The following CSMD1 variants were observed in gnomAD, a reference collection of about 807,000 sequenced individuals.
CSMD1 encodes the protein CUB and sushi domain-containing protein 1.
A neutral mutation model predicts 417.5 loss-of-function variants in CSMD1; 213 were observed. The observed-to-expected ratio is 0.51, with a 90% confidence interval of 0.46 to 0.57. CSMD1 has a LOEUF of 0.57. Among genes scored for constraint, CSMD1 ranks in the 20% least tolerant of loss-of-function variants. The pLI, the probability that CSMD1 is intolerant of heterozygous loss-of-function variation, is 0.00. For synonymous variants in CSMD1, 2,862 were observed against 1,736.8 expected (o/e 1.65, Z -16.11); for missense variants, 6,923 against 4,529.7 (o/e 1.53, Z -15.17).
At chr8:3,247,886 C>T (rs149151922) in intron 26 of CSMD1, among the ~76,000 whole-genome samples, 1 of 152,166 alleles carries the variant, frequency 6.6e-6, no homozygotes, top group African/African-American at 2.4e-5. Context: ...TCCATGGAAT[C>T]CATGCATTTT....
chr8:3,350,749 C>G (rs931433053), intron 21 of CSMD1, among the ~76,000 whole-genome samples: 1 of 151,274 alleles, frequency 6.6e-6, no homozygotes, highest in African/African-American at 2.4e-5. Context: ...AAAGGTGGGA[C>G]AAGAAAGAAT....
At position 3,357,541 on chromosome 8, in the gene CSMD1, C is replaced by G. The variant is rs188273712; in HGVS notation, c.3304+1611G>C. ...ATATTTTAGACCACAGAGTAAAAACCTGAATGACAAGAAAAACAGTGTAAA... is the reference window on the plus strand; with the variant it reads ...ATATTTTAGACCACAGAGTAAAAACGTGAATGACAAGAAAAACAGTGTAAA... On this transcript the variant is annotated intron_variant, in intron 21 of 69. Coordinates refer to ENST00000635120, the MANE Select transcript of CSMD1 (RefSeq NM_033225.6). 6.6e-5 allele frequency among the ~76,000 whole-genome samples: 10 copies of G among 152,238 alleles called. No individual in the cohort carries two copies. In the East Asian group the frequency reaches 1.7e-3, roughly 27 times the overall value.
rs573527966 is a variant in CSMD1 at position 3,819,893 on chromosome 8, T to C, written c.819-65851A>G. Among the ~76,000 whole-genome samples the C allele has an allele frequency of 2.0e-5, 3 of 152,106 alleles. No homozygotes were observed. In the South Asian group the frequency reaches 6.2e-4, roughly 32 times the overall value. On this transcript the variant is annotated intron_variant, in intron 5 of 69. Transcript: ENST00000635120. ...AACTAAATCAAGCAGGGATCCAGAG[T>C]GCTATAATAGAGGCAGACTGGACAA...
Position 3,833,515 on chromosome 8 carries a change from A to C in CSMD1, c.819-79473T>G, listed in dbSNP as rs140817191. On this transcript the variant is annotated intron_variant, in intron 5 of 69. Coordinates refer to ENST00000635120, the MANE Select transcript of CSMD1 (RefSeq NM_033225.6). ...CAAAGCCCTTTCCTCATTCATATTCAGAATTTTTTTCAATGAAGAAGCACT... is the reference window on the plus strand; with the variant it reads ...CAAAGCCCTTTCCTCATTCATATTCCGAATTTTTTTCAATGAAGAAGCACT... Among the ~76,000 whole-genome samples, 783 of 152,268 alleles carry C rather than the reference A, an allele frequency of 5.1e-3. 3 individuals carry two copies. Among genetic ancestry groups the C allele is most frequent in the Non-Finnish European group, 7.8e-3 (530 of 67,990 alleles).
chr8:4,502,813 C>A (rs1802325525), intron 2 of CSMD1, among the ~76,000 whole-genome samples: 1 of 152,076 alleles, frequency 6.6e-6, no homozygotes, highest in African/African-American at 2.4e-5. Flanking sequence ...CAGTAAATCC[C>A]CAGTGTGTAT....
intron 10 of CSMD1, among the ~76,000 whole-genome samples, chr8:3,497,336 A>G (rs1796409048): frequency 1.3e-5 from 2 of 152,152 alleles, no homozygotes; most frequent in Admixed American, 6.5e-5. Context: ...TGTTGGGTGC[A>G]TATATGTTTA....
In CSMD1 at chr8:4,448,991, T is replaced by G. The variant is rs1024867003; in HGVS notation, c.303-28926A>C. 2.6e-4 allele frequency among the ~76,000 whole-genome samples: 40 copies of G among 152,182 alleles called. 1 individual carries two copies. Among genetic ancestry groups the G allele is most frequent in the Admixed American group, 2.6e-3 (39 of 15,280 alleles). ...ATCCTAAGGTACAAATGGATAGTAG[T>G]CAGTATTATTTATTACTTGTGTGCG... On this transcript the variant is annotated intron_variant, in intron 2 of 69. Transcript: ENST00000635120.
At chr8:4,415,598 T>C (rs769845758) in intron 3 of CSMD1, among the ~76,000 whole-genome samples, 6 of 152,212 alleles carry the variant, frequency 3.9e-5, no homozygotes, top group African/African-American at 7.2e-5. Context: ...TGTTTCATTC[T>C]CCTTCACTAG....
intron 1 of CSMD1, among the ~76,000 whole-genome samples, chr8:4,813,451 T>C (rs1166448724): frequency 1.3e-5 from 2 of 152,218 alleles, no homozygotes; most frequent in African/African-American, 4.8e-5. Context: ...GTATTCTTCC[T>C]AGATACAACA....
chr8:4,367,436 G>C (rs146188237), intron 3 of CSMD1, among the ~76,000 whole-genome samples: 1 of 152,108 alleles, frequency 6.6e-6, no homozygotes, highest in African/African-American at 2.4e-5. Context: ...TTCTGTACCA[G>C]TACCATGATG....
chr8:3,711,671 T>C (rs1450100191), intron 6 of CSMD1, among the ~76,000 whole-genome samples: 1 of 152,172 alleles, frequency 6.6e-6, no homozygotes, highest in Non-Finnish European at 1.5e-5. Flanking sequence ...CTTCTGCGGT[T>C]CTCCTGGTGG....
chr8:3,900,644 G>C (rs1464566497), intron 5 of CSMD1, among the ~76,000 whole-genome samples: 1 of 151,968 alleles, frequency 6.6e-6, no homozygotes, highest in Admixed American at 6.6e-5. Context: ...GCAGCTAGAT[G>C]ACACTGTAGC....
intron 26 of CSMD1, among the ~76,000 whole-genome samples, chr8:3,281,060 C>A (rs1442615550): frequency 6.6e-6 from 1 of 152,142 alleles, no homozygotes; most frequent in Non-Finnish European, 1.5e-5. Context: ...AACTTACGTC[C>A]ACACAAAAAC....
intron 2 of CSMD1, among the ~76,000 whole-genome samples, chr8:4,432,064 A>G (rs1425152342): frequency 2.6e-5 from 4 of 152,170 alleles, no homozygotes; most frequent in African/African-American, 9.6e-5. Flanking sequence ...CACAGACTAA[A>G]ACAGACAGGA....
chr8:4,333,222 A>C (rs1328657371), intron 3 of CSMD1, among the ~76,000 whole-genome samples: 4 of 152,140 alleles, frequency 2.6e-5, no homozygotes, highest in African/African-American at 9.7e-5. Context: ...AACAGAAGTC[A>C]CACCCTGCCT....
intron 11 of CSMD1, among the ~76,000 whole-genome samples, chr8:3,478,935 G>A (rs747383174): frequency 7.2e-5 from 11 of 151,996 alleles, no homozygotes; most frequent in Non-Finnish European, 1.3e-4. Flanking sequence ...GCGGTAGAGT[G>A]GGCGGAATAG....
chr8:4,136,907 C>G (rs1365363375), intron 3 of CSMD1, among the ~76,000 whole-genome samples: 1 of 152,180 alleles, frequency 6.6e-6, no homozygotes, highest in African/African-American at 2.4e-5. Flanking sequence ...AAAACAGTCA[C>G]AGCCACTCTT....
intron 3 of CSMD1, among the ~76,000 whole-genome samples, chr8:4,396,465 G>A (rs185736442): frequency 6.6e-6 from 1 of 152,228 alleles, no homozygotes; most frequent in East Asian, 1.9e-4. Flanking sequence ...GTGACAGCCA[G>A]TCTCACTCTG....
intron 5 of CSMD1, among the ~76,000 whole-genome samples, chr8:3,899,449 G>A (rs1178335252): frequency 1.3e-5 from 2 of 152,146 alleles, no homozygotes; most frequent in African/African-American, 4.8e-5. Flanking sequence ...GTGGGGAGAT[G>A]GGGTGGTATT....
Sources: gnomAD v4.1 joint callset for allele counts (sites outside exome capture counted in the v4.1 genomes callset) on GRCh38, gnomAD v4.1.1 for gene constraint, MANE v1.5 for transcripts, NCBI Gene and HGNC (gene_info 2026-07-23, HGNC 2026-07-21) for gene names.